The following TTLL11 variants were observed in gnomAD, a reference collection of about 807,000 sequenced individuals.
TTLL11 encodes the protein tubulin polyglutamylase TTLL11.
A neutral mutation model predicts 51.7 loss-of-function variants in TTLL11; 42 were observed. The observed-to-expected ratio is 0.81, with a 90% CI of 0.64 to 1.05. The LOEUF (loss-of-function observed/expected upper bound fraction) is 1.05. Among genes scored for constraint, TTLL11 ranks in the 50% least tolerant of loss-of-function variants. TTLL11 has a pLI of 0.00. For missense variants in TTLL11, 799 were observed against 940.4 expected, an observed-to-expected ratio of 0.85 and a Z score of 1.97; for synonymous variants, 381 against 383.5, an observed-to-expected ratio of 0.99 and a Z score of 0.08.
In TTLL11 at chr9:122,031,755, G is replaced by A; in HGVS notation, c.661C>T (p.Leu221=). Residue 221 remains leucine, a synonymous_variant, in exon 3 of 9, where the codon CTG becomes TTG. Coordinates refer to ENST00000321582, the MANE Select transcript of TTLL11 (RefSeq NM_001139442.2). ...ACAAAGAGCTGGAACTCGTCAGGCA[G>A]AATCCATGAGCGAGGGTAGAAGTTG... ...EYNFYPRSWI[L]PDEFQLFVAQ... The A allele has an allele frequency of 6.2e-7, 1 of 1,613,194 alleles. No homozygotes were observed. The highest frequency in any genetic ancestry group is 2.2e-5 in the East Asian group (1 of 44,868).
chr9:121,981,301 G>A (rs927691083), intron 4 of TTLL11, among the ~76,000 whole-genome samples: 3 of 151,862 alleles, frequency 2.0e-5, no homozygotes, highest in African/African-American at 7.3e-5. Flanking sequence ...ACGTCTTCAA[G>A]TTCACTGATG....
At chr9:122,015,372 A>G (rs1377296426) in intron 3 of TTLL11, among the ~76,000 whole-genome samples, 3 of 152,188 alleles carry the variant, frequency 2.0e-5, no homozygotes, top group Non-Finnish European at 4.4e-5. Flanking sequence ...AGGAAATAAC[A>G]CTGGAAGCAG....
intron 3 of TTLL11, among the ~76,000 whole-genome samples, chr9:122,022,407 AAAG>A (rs1844208412): frequency 1.3e-5 from 2 of 152,078 alleles, no homozygotes; most frequent in South Asian, 2.1e-4. Context: ...AATGTTATAT[AAAG>A]AAGATCAAAA....
At chr9:121,991,496 T>C (rs1374705598) in intron 3 of TTLL11, among the ~76,000 whole-genome samples, 3 of 152,212 alleles carry the variant, frequency 2.0e-5, no homozygotes, top group Non-Finnish European at 2.9e-5. Context: ...CTTGGCCCTT[T>C]ACAGTAAATA....
chr9:121,831,528 G>A (rs578218551), intron 8 of TTLL11, among the ~76,000 whole-genome samples: 31 of 152,100 alleles, frequency 2.0e-4, no homozygotes, highest in South Asian at 4.2e-4. Context: ...GTGAAACCCC[G>A]TCTCTACTAA....
At chr9:121,980,976 GATC>G (rs1201965152) in intron 4 of TTLL11, among the ~76,000 whole-genome samples, 1 of 152,150 alleles carries the variant, frequency 6.6e-6, no homozygotes, top group Non-Finnish European at 1.5e-5. Flanking sequence ...AAGATTTTCT[GATC>G]ATCACTGGTT....
At chr9:122,000,220 C>A (rs1157041684) in intron 3 of TTLL11, among the ~76,000 whole-genome samples, 2 of 152,028 alleles carry the variant, frequency 1.3e-5, no homozygotes, top group African/African-American at 4.8e-5. Flanking sequence ...GCCTGTAATC[C>A]CAGGACTTTG....
intron 6 of TTLL11, among the ~76,000 whole-genome samples, chr9:121,891,067 G>A (rs1402015066): frequency 6.6e-6 from 1 of 152,154 alleles, no homozygotes; most frequent in Non-Finnish European, 1.5e-5. Context: ...CCCTTCACTA[G>A]GCTCCCATGA....
At chr9:122,017,499 A>C (rs1031284272) in intron 3 of TTLL11, among the ~76,000 whole-genome samples, 3 of 143,288 alleles carry the variant, frequency 2.1e-5, no homozygotes, top group Non-Finnish European at 4.5e-5. Flanking sequence ...TGAGACCCAC[A>C]TTACCCAGAC....
At chr9:121,883,249 G>C (rs974045878) in intron 6 of TTLL11, among the ~76,000 whole-genome samples, 18 of 152,136 alleles carry the variant, frequency 1.2e-4, no homozygotes, top group African/African-American at 2.9e-4. Flanking sequence ...TCAGCCTCTG[G>C]TTCTCTTCTG....
chr9:122,009,459 A>G (rs928354211), intron 3 of TTLL11, among the ~76,000 whole-genome samples: 28 of 151,994 alleles, frequency 1.8e-4, no homozygotes, highest in African/African-American at 6.5e-4. Context: ...AAAATCTAAT[A>G]AAATGAATGA....
chr9:121,857,211 C>T (rs1300813483), intron 8 of TTLL11, among the ~76,000 whole-genome samples: 4 of 152,216 alleles, frequency 2.6e-5, no homozygotes, highest in African/African-American at 9.6e-5. Context: ...ACCCTCTCTG[C>T]TCCAGTTCTG....
rs1417225602 is a variant in TTLL11, at chr9:122,093,024, C to A, written c.125G>T (p.Arg42Leu). 5.2e-6 allele frequency: 8 copies of A among 1,530,000 alleles called. No homozygotes were observed. The highest frequency in any genetic ancestry group is 7.0e-6 in the Non-Finnish European group (8 of 1,146,574). The allele number at this position is 1,530,000 out of a possible 1,614,324, so 94.8% of individuals were successfully genotyped here. A position where few individuals can be genotyped will look rare whatever the true frequency, so the allele number is the denominator to read the frequency against. ...ATAETVAEQV[R>L]VDAGAAGEPE... ...TTCCCCGGCCGCGCCCGCGTCCACG[C>A]GGACCTGTTCCGCCACCGTCTCCGC... The change falls in exon 1 of 9, where the codon CGC becomes CTC. Residue 42 changes from arginine to leucine, a missense_variant. Around this residue, in one of 3 missense-constraint regions of TTLL11, gnomAD observed 166 missense variants for 161.6 expected, o/e 1.03. Transcript: ENST00000321582.
intron 1 of TTLL11, among the ~76,000 whole-genome samples, chr9:122,042,210 T>G (rs2131830398): frequency 6.6e-6 from 1 of 152,324 alleles, no homozygotes; most frequent in African/African-American, 2.4e-5. Flanking sequence ...AGGCTGGGTT[T>G]TGCCATGTTG....
At chr9:121,873,626 TCCTCCTCCTCCTC>T (rs1222595769) in intron 6 of TTLL11, among the ~76,000 whole-genome samples, 4 of 148,824 alleles carry the variant, frequency 2.7e-5, no homozygotes, top group East Asian at 4.0e-4. Context: ...CTCCTCCTCC[TCCTCCTCCTCCTC>T]CTCTCTTCTT....
At chr9:121,929,593 G>A (rs1325088086) in intron 6 of TTLL11, among the ~76,000 whole-genome samples, 1 of 140,660 alleles carries the variant, frequency 7.1e-6, no homozygotes, top group Non-Finnish European at 1.5e-5. Flanking sequence ...GCCATTTGCA[G>A]GGGACACAAG....
At chr9:122,078,652 C>T (rs757536336) in intron 1 of TTLL11, among the ~76,000 whole-genome samples, 31 of 152,136 alleles carry the variant, frequency 2.0e-4, no homozygotes, top group Non-Finnish European at 4.1e-4. Context: ...ATGATTATAG[C>T]TTTTTATGCT....
intron 2 of TTLL11, among the ~76,000 whole-genome samples, chr9:122,038,658 G>A (rs1450953348): frequency 6.6e-6 from 1 of 152,128 alleles, no homozygotes; most frequent in East Asian, 1.9e-4. Context: ...CAGAAAAGTG[G>A]TAGAGATTAA....
intron 3 of TTLL11, among the ~76,000 whole-genome samples, chr9:121,997,626 C>A (rs927190041): frequency 6.6e-6 from 1 of 152,172 alleles, no homozygotes. Flanking sequence ...TCAGCTCAGC[C>A]ACTTCCTAGC....
Sources: gnomAD v4.1 joint callset for allele counts (sites outside exome capture counted in the v4.1 genomes callset) on GRCh38, gnomAD v4.1.1 for gene constraint, gnomAD v4.1.1 regional missense constraint, MANE v1.5 for transcripts, NCBI Gene and HGNC (gene_info 2026-07-23, HGNC 2026-07-21) for gene names.